GPR149: variants seen among roughly 807,000 people sequenced by gnomAD.
GPR149 encodes the protein G protein-coupled receptor 149, also known as probable G protein-coupled receptor 149.
GPR149 carries 50 observed loss-of-function variants against 50.2 expected under a neutral mutation model. That is an observed-to-expected ratio of 1.00 (90% CI 0.79 to 1.26). GPR149 has a LOEUF of 1.26. Among genes scored for constraint, GPR149 ranks in the 50% most tolerant of loss-of-function variants. The probability of loss-of-function intolerance (pLI) is 0.00; values close to 1 mark genes in which losing one functional copy is unlikely to be tolerated. For missense variants in GPR149, 983 were observed against 895.4 expected, an observed-to-expected ratio of 1.10 and a Z score of -1.25; for synonymous variants, 405 against 358.2, an observed-to-expected ratio of 1.13 and a Z score of -1.48.
intron 2 of GPR149, among the ~76,000 whole-genome samples, chr3:154,426,711 T>G (rs1455656292): frequency 6.6e-6 from 1 of 152,184 alleles, no homozygotes; most frequent in African/African-American, 2.4e-5. Context: ...GAAGGGACCC[T>G]GCTTTCCACT....
chr3:154,343,324 T>A (rs1713848634), intron 3 of GPR149, among the ~76,000 whole-genome samples: 2 of 152,214 alleles, frequency 1.3e-5, no homozygotes, highest in Admixed American at 1.3e-4. Flanking sequence ...GCTTGGCATT[T>A]CACTTTCGGT....
chr3:154,385,733 G>C (rs548282402), intron 3 of GPR149, among the ~76,000 whole-genome samples: 44 of 139,752 alleles, frequency 3.1e-4, no homozygotes, highest in African/African-American at 1.1e-3. Context: ...AAGGAGTCTT[G>C]CTCTGTCGCC....
At chr3:154,366,930 A>G (rs1216872331) in intron 3 of GPR149, among the ~76,000 whole-genome samples, 1 of 152,236 alleles carries the variant, frequency 6.6e-6, no homozygotes, top group Admixed American at 6.5e-5. Flanking sequence ...AATATTTTGC[A>G]GAGTTTGGTT....
At chr3:154,378,774 A>G (rs917458626) in intron 3 of GPR149, among the ~76,000 whole-genome samples, 6 of 152,132 alleles carry the variant, frequency 3.9e-5, no homozygotes, top group Non-Finnish European at 8.8e-5. Context: ...GTGTAGTGGT[A>G]TCTCATTGTG....
chr3:154,356,801 T>A (rs1266899457), intron 3 of GPR149, among the ~76,000 whole-genome samples: 1 of 152,098 alleles, frequency 6.6e-6, no homozygotes, highest in Non-Finnish European at 1.5e-5. Flanking sequence ...AAGCTACCAA[T>A]GACTTTCTTC....
intron 3 of GPR149, chr3:154,354,614 A>G (rs778531986): frequency 2.5e-4 from 48 of 194,030 alleles, no homozygotes; most frequent in Non-Finnish European, 4.3e-4. Context: ...GAAAGACTCT[A>G]CAACTCCTCT....
At chr3:154,394,124 G>C (rs1223109721) in intron 3 of GPR149, among the ~76,000 whole-genome samples, 1 of 151,954 alleles carries the variant, frequency 6.6e-6, no homozygotes, top group Non-Finnish European at 1.5e-5. Flanking sequence ...TAAGAAGGAA[G>C]AGCAAAACTG....
chr3:154,424,886 A>G (rs929550861), intron 2 of GPR149, among the ~76,000 whole-genome samples: 3 of 151,762 alleles, frequency 2.0e-5, no homozygotes, highest in Non-Finnish European at 4.4e-5. Flanking sequence ...TTTGTCAAAA[A>G]AAAAAAAAGA....
At chr3:154,372,293 T>G (rs568303873) in intron 3 of GPR149, among the ~76,000 whole-genome samples, 1 of 152,012 alleles carries the variant, frequency 6.6e-6, no homozygotes, top group Non-Finnish European at 1.5e-5. Flanking sequence ...AGAATTTGTG[T>G]GTGTGTTTTC....
At chr3:154,383,952 C>T (rs1357094523) in intron 3 of GPR149, among the ~76,000 whole-genome samples, 1 of 152,054 alleles carries the variant, frequency 6.6e-6, no homozygotes, top group Non-Finnish European at 1.5e-5. Flanking sequence ...TTTGCCAGTG[C>T]CTTGATCTTG....
chr3:154,368,308 T>C (rs774226376), intron 3 of GPR149, among the ~76,000 whole-genome samples: 2 of 152,194 alleles, frequency 1.3e-5, no homozygotes, highest in African/African-American at 2.4e-5. Flanking sequence ...ATTCCCTATT[T>C]AGAAGTCTTA....
At chr3:154,368,088 C>T (rs1211923132) in intron 3 of GPR149, among the ~76,000 whole-genome samples, 1 of 152,146 alleles carries the variant, frequency 6.6e-6, no homozygotes, top group Non-Finnish European at 1.5e-5. Flanking sequence ...TGTGGTGGTC[C>T]CGAAGTACAC....
At chr3:154,346,799 G>A (rs1713938526) in intron 3 of GPR149, among the ~76,000 whole-genome samples, 1 of 152,048 alleles carries the variant, frequency 6.6e-6, no homozygotes, top group Non-Finnish European at 1.5e-5. Context: ...GTTTTGTCAT[G>A]TTGGCCAGGC....
In GPR149 at chr3:154,335,631, C is replaced by A. The variant is rs1393284404; in HGVS notation, c.*2068G>T. ...AATATCCTAATTATTTTTCCAATTC[C>A]CCCAGTTTAAGCCCTTGTCCAGTTA... On this transcript the variant is annotated 3_prime_UTR_variant, in exon 4 of 4. Transcript: ENST00000389740. 1.3e-5 allele frequency: 2 copies of A among 152,050 alleles called. No individual in the cohort carries two copies. Among genetic ancestry groups the A allele is most frequent in the Non-Finnish European group, 2.9e-5 (2 of 67,974 alleles). 9.4% of individuals were successfully genotyped at this position (152,050 alleles called of 1,614,324 possible). A position where few individuals can be genotyped will look rare whatever the true frequency, so the allele number is the denominator to read the frequency against.
rs1011332591 is a variant in GPR149 at position 154,429,071 on chromosome 3, C to A, written c.545G>T (p.Cys182Phe). 1.2e-6 allele frequency: 2 copies of A among 1,613,744 alleles called. No homozygotes were observed. The highest frequency in any genetic ancestry group is 1.7e-6 in the Non-Finnish European group (2 of 1,179,988). The change falls in exon 1 of 4, where the codon TGC (cysteine) becomes TTC (phenylalanine). Residue 182 changes from cysteine to phenylalanine, a missense_variant. Physicochemically the swap from Cys to Phe is radical, Grantham distance 205 (BLOSUM62 -2). Coordinates refer to ENST00000389740, the MANE Select transcript of GPR149 (RefSeq NM_001038705.3). ...GTAGGAGCTGGAGCAGTCCACCAGG[C>A]AGCCCCAGGGCGTGCGCACGAAGGC... is the stretch of plus-strand genomic sequence containing the variant. ...WGAFVRTPWG[C>F]LVDCSSSYVL...
chr3:154,352,244 A>G, intron 3 of GPR149: 1 of 865,450 alleles, frequency 1.2e-6, no homozygotes, highest in Non-Finnish European at 1.8e-6. Context: ...GACTCTGTCT[A>G]CCTGATAGGC....
chr3:154,400,740 C>T (rs942518412), intron 3 of GPR149, among the ~76,000 whole-genome samples: 1 of 152,102 alleles, frequency 6.6e-6, no homozygotes, highest in Non-Finnish European at 1.5e-5. Flanking sequence ...TTAAGTTATA[C>T]GCAGTTAATA....
intron 3 of GPR149, among the ~76,000 whole-genome samples, chr3:154,388,458 C>T (rs1393540952): frequency 6.6e-6 from 1 of 152,132 alleles, no homozygotes; most frequent in African/African-American, 2.4e-5. Flanking sequence ...TCTTTCTCCC[C>T]AGCTTTCCAC....
chr3:154,354,036 A>G, intron 3 of GPR149: 1 of 450,970 alleles, frequency 2.2e-6, no homozygotes, highest in Non-Finnish European at 4.2e-6. Context: ...ATTCATCAAT[A>G]TTTCCATTTG....
Sources: gnomAD v4.1 joint callset for allele counts (sites outside exome capture counted in the v4.1 genomes callset) on GRCh38, gnomAD v4.1.1 for gene constraint, MANE v1.5 for transcripts, NCBI Gene and HGNC (gene_info 2026-07-23, HGNC 2026-07-21) for gene names.